The following GNAO1 variants were observed in gnomAD, a reference collection of about 807,000 sequenced individuals.
GNAO1 encodes guanine nucleotide-binding protein G(o) subunit alpha.
For missense variants in GNAO1, 166 were observed against 478.7 expected, an observed-to-expected ratio of 0.35 and a Z score of 6.10; for synonymous variants, 164 against 180.7, an observed-to-expected ratio of 0.91 and a Z score of 0.74.
intron 2 of GNAO1, among the ~76,000 whole-genome samples, chr16:56,196,296 A>G (rs1449711997): frequency 1.3e-5 from 2 of 152,024 alleles, no homozygotes; most frequent in African/African-American, 4.8e-5. Context: ...CTTTTTTTGC[A>G]TGGCATTTTA....
At chr16:56,226,118 T>C (rs2036531010) in intron 2 of GNAO1, among the ~76,000 whole-genome samples, 1 of 152,026 alleles carries the variant, frequency 6.6e-6, no homozygotes, top group Non-Finnish European at 1.5e-5. Flanking sequence ...GGCTGCTGTG[T>C]GGAGGACGGG....
intron 2 of GNAO1, among the ~76,000 whole-genome samples, chr16:56,267,120 G>C (rs1158664846): frequency 6.6e-6 from 1 of 152,180 alleles, no homozygotes; most frequent in African/African-American, 2.4e-5. Flanking sequence ...CAAGAGCAGA[G>C]TTAGTGGGAG....
At position 56,267,698 on chromosome 16, in the gene GNAO1, A is replaced by G. The variant is rs77163131; in HGVS notation, c.162-8233A>G. On this transcript the variant is annotated intron_variant, in intron 2 of 8. Transcript: ENST00000262493. ...CCCTTATTCCCATTATGATTTATAG[A>G]ACCATTTGTGACATTACTTCTTTCA... is the stretch of plus-strand genomic sequence containing the variant. Among the ~76,000 whole-genome samples the G allele has an allele frequency of 5.2e-3, 786 of 152,216 alleles. 6 individuals carry two copies. The highest frequency in any genetic ancestry group is 0.018 in the African/African-American group (757 of 41,530).
At chr16:56,237,786 A>G (rs1395147587) in intron 2 of GNAO1, among the ~76,000 whole-genome samples, 5 of 152,218 alleles carry the variant, frequency 3.3e-5, no homozygotes, top group African/African-American at 9.7e-5. Context: ...AAATGGACAC[A>G]TTATGAAGCA....
chr16:56,199,606 C>T (rs1161181110), intron 2 of GNAO1, among the ~76,000 whole-genome samples: 1 of 152,206 alleles, frequency 6.6e-6, no homozygotes, highest in East Asian at 1.9e-4. Flanking sequence ...TCTCATTTAA[C>T]TTTGGGCAGA....
rs61708633 is a variant in GNAO1 at position 56,315,224 on chromosome 16, G to A, written c.304-13407G>A. Among the ~76,000 whole-genome samples, 349 of 152,300 alleles carry A rather than the reference G, an allele frequency of 2.3e-3. 2 individuals are homozygous for A. Among genetic ancestry groups the A allele is most frequent in the African/African-American group, 7.9e-3 (328 of 41,568 alleles). ...GCTGTGTTGCTAATGTCTCCCAGCC[G>A]AGGCGGCTGTAATTAAACTATTCAC... On this transcript the variant is annotated intron_variant, in intron 3 of 8. Transcript: ENST00000262493.
intron 6 of GNAO1, chr16:56,340,752 C>T (rs1024763076): frequency 6.3e-6 from 8 of 1,272,000 alleles, no homozygotes; most frequent in Non-Finnish European, 9.0e-6. Flanking sequence ...CTTCCCTTTG[C>T]TTGTCCCGCT....
At chr16:56,271,807 C>T (rs2037020616) in intron 2 of GNAO1, among the ~76,000 whole-genome samples, 1 of 152,202 alleles carries the variant, frequency 6.6e-6, no homozygotes, top group Non-Finnish European at 1.5e-5. Flanking sequence ...AGGCACTTTA[C>T]ATTTATTCCT....
intron 6 of GNAO1, among the ~76,000 whole-genome samples, chr16:56,348,909 A>C (rs2037897444): frequency 6.6e-6 from 1 of 152,000 alleles, no homozygotes; most frequent in South Asian, 2.1e-4. Context: ...CCTCCCCTGC[A>C]CTGCCACTCC....
intron 3 of GNAO1, among the ~76,000 whole-genome samples, chr16:56,281,989 G>T (rs1170430102): frequency 1.3e-5 from 2 of 152,218 alleles, no homozygotes; most frequent in Admixed American, 1.3e-4. Context: ...ACTAGTAGCA[G>T]TCATGCATTG....
intron 3 of GNAO1, among the ~76,000 whole-genome samples, chr16:56,290,897 T>C (rs1198925405): frequency 6.6e-6 from 1 of 152,256 alleles, no homozygotes; most frequent in African/African-American, 2.4e-5. Context: ...AATCATACAC[T>C]ATGTACTCTT....
chr16:56,226,920 A>T (rs1481615092), intron 2 of GNAO1, among the ~76,000 whole-genome samples: 2 of 152,214 alleles, frequency 1.3e-5, no homozygotes, highest in Non-Finnish European at 2.9e-5. Context: ...TCTTAGCTTG[A>T]TGCTACATTT....
chr16:56,255,271 A>G (rs534142375), intron 2 of GNAO1, among the ~76,000 whole-genome samples: 1 of 152,096 alleles, frequency 6.6e-6, no homozygotes, highest in Admixed American at 6.5e-5. Flanking sequence ...TGACCAGTTC[A>G]TTTTCCCCAG....
chr16:56,237,851 G>A (rs928263805), intron 2 of GNAO1, among the ~76,000 whole-genome samples: 9 of 152,126 alleles, frequency 5.9e-5, no homozygotes, highest in Non-Finnish European at 1.0e-4. Flanking sequence ...GCAGCTGCAC[G>A]TTGCAAGGCC....
chr16:56,197,842 G>T (rs116525465), intron 2 of GNAO1, among the ~76,000 whole-genome samples: 1,822 of 152,160 alleles, frequency 0.012, 42 homozygotes, highest in African/African-American at 0.042. Flanking sequence ...CCCTATCTCC[G>T]TTAACACTGG....
At chr16:56,260,517 C>G (rs535000807) in intron 2 of GNAO1, among the ~76,000 whole-genome samples, 1 of 152,288 alleles carries the variant, frequency 6.6e-6, no homozygotes, top group African/African-American at 2.4e-5. Context: ...CTGCTGGCCT[C>G]TCAGACTGCA....
chr16:56,323,680 C>G (rs1200605206), intron 3 of GNAO1, among the ~76,000 whole-genome samples: 2 of 151,950 alleles, frequency 1.3e-5, no homozygotes, highest in African/African-American at 4.8e-5. Flanking sequence ...AAAAATCCAG[C>G]CTTTTAGTTG....
intron 3 of GNAO1, among the ~76,000 whole-genome samples, chr16:56,297,670 T>C (rs1181849279): frequency 6.6e-6 from 1 of 151,778 alleles, no homozygotes; most frequent in East Asian, 1.9e-4. Context: ...CCTGGTGGAG[T>C]TGTAATTAGG....
At chr16:56,250,046 A>G (rs966933109) in intron 2 of GNAO1, among the ~76,000 whole-genome samples, 1 of 152,200 alleles carries the variant, frequency 6.6e-6, no homozygotes, top group African/African-American at 2.4e-5. Context: ...TTGGCCACCA[A>G]CAGTGTCTGC....
Sources: allele counts gnomAD v4.1 joint callset (sites outside exome capture counted in the v4.1 genomes callset), GRCh38; gene constraint gnomAD v4.1.1; transcripts MANE v1.5; gene names NCBI Gene and HGNC (gene_info 2026-07-23, HGNC 2026-07-21).